The following FMN2 variants were observed in gnomAD, a reference collection of about 807,000 sequenced individuals.
FMN2 encodes the protein formin 2.
A neutral mutation model predicts 142.3 loss-of-function variants in FMN2; 51 were observed. That is an observed-to-expected ratio of 0.36 (90% CI 0.29 to 0.45). The LOEUF is 0.45. Ranked by LOEUF, FMN2 falls within the 20% of genes least tolerant of loss-of-function variation. The probability of loss-of-function intolerance (pLI) is 1.00; values close to 1 mark genes in which losing one functional copy is unlikely to be tolerated. For missense variants in FMN2, 1,936 were observed against 2,122.8 expected (o/e 0.91, Z 1.73); for synonymous variants, 882 against 869.8 (o/e 1.01, Z -0.25).
intron 8 of FMN2, among the ~76,000 whole-genome samples, chr1:240,328,160 A>AAAAAAAAAAAAAAAAAAAC (rs1671244450): frequency 6.7e-6 from 1 of 148,850 alleles, no homozygotes; most frequent in Non-Finnish European, 1.5e-5. Context: ...AAAAAAAAAA[A>AAAAAAAAAAAAAAAAAAAC]AAAAAAAAAA....
intron 2 of FMN2, among the ~76,000 whole-genome samples, chr1:240,127,897 T>C (rs758219294): frequency 3.5e-4 from 53 of 152,076 alleles, no homozygotes; most frequent in Admixed American, 1.4e-3. Context: ...GGCAGGACGG[T>C]GACAGGGGAG....
chr1:240,274,330 G>A (rs1669120839), intron 7 of FMN2, among the ~76,000 whole-genome samples: 1 of 152,040 alleles, frequency 6.6e-6, no homozygotes, highest in South Asian at 2.1e-4. Context: ...ATGACAGAAG[G>A]AACCTTGTAA....
At chr1:240,355,016 A>G (rs1572223094) in intron 13 of FMN2, among the ~76,000 whole-genome samples, 1 of 152,206 alleles carries the variant, frequency 6.6e-6, no homozygotes, top group East Asian at 1.9e-4. Context: ...ACTTCTCAAT[A>G]TTAACCCAAA....
At chr1:240,191,180 G>C (rs1487134085) in intron 4 of FMN2, among the ~76,000 whole-genome samples, 1 of 152,224 alleles carries the variant, frequency 6.6e-6, no homozygotes, top group African/African-American at 2.4e-5. Flanking sequence ...TCAGATGTGT[G>C]TTCAGACACC....
chr1:240,468,748 TACAA>T (rs1558124223), intron 16 of FMN2, among the ~76,000 whole-genome samples: 1 of 152,146 alleles, frequency 6.6e-6, no homozygotes, highest in African/African-American at 2.4e-5. Flanking sequence ...ATGGAACACG[TACAA>T]ACAGTTACTC....
At position 240,329,437 on chromosome 1, in the gene FMN2, G is replaced by A. The variant is rs745747440; in HGVS notation, c.4406G>A (p.Arg1469His). ...TFSESICSIRRKLELLQKLCE... is the reference protein window; with the variant it reads ...TFSESICSIRHKLELLQKLCE... ...TCAGAAAGCATTTGCTCAATTCGTC[G>A]CAAACTGGAATTACTACAGAAATTG... The change falls in exon 10 of 18, where the codon CGC becomes CAC. Residue 1469 changes from arginine (R) to histidine (H), a missense_variant. Physicochemically the swap from Arg to His is conservative, Grantham distance 29 (BLOSUM62 0). Coordinates refer to ENST00000319653, the MANE Select transcript of FMN2 (RefSeq NM_020066.5). 1.4e-5 allele frequency: 23 copies of A among 1,613,724 alleles called. No homozygotes were observed. The South Asian group carries it at 1.8e-4, about 12-fold the overall frequency.
chr1:240,319,629 C>A (rs551147083), intron 8 of FMN2, among the ~76,000 whole-genome samples: 23 of 152,206 alleles, frequency 1.5e-4, no homozygotes, highest in Admixed American at 3.9e-4. Context: ...GAAACGATGT[C>A]GTCTTGGAAG....
At chr1:240,337,438 G>C (rs774526525) in intron 13 of FMN2, among the ~76,000 whole-genome samples, 4 of 151,872 alleles carry the variant, frequency 2.6e-5, no homozygotes, top group Non-Finnish European at 5.9e-5. Context: ...GGCTGGTCTC[G>C]AACTCCTGAC....
chr1:240,250,310 A>G (rs1056736352), intron 6 of FMN2, among the ~76,000 whole-genome samples: 1 of 152,110 alleles, frequency 6.6e-6, no homozygotes, highest in Non-Finnish European at 1.5e-5. Flanking sequence ...GGGATGTTGA[A>G]TTTTATCAAA....
chr1:240,389,585 G>A (rs1453196797), intron 14 of FMN2, among the ~76,000 whole-genome samples: 3 of 152,102 alleles, frequency 2.0e-5, no homozygotes, highest in African/African-American at 4.8e-5. Flanking sequence ...ATTTTGGTTT[G>A]GAAGGTTCAC....
chr1:240,208,517 C>T lies in FMN2; in HGVS notation c.3705C>T (p.Pro1235=). Residue 1235 remains proline (P), a synonymous_variant, in exon 5 of 18, where the codon CCC becomes CCT. Transcript: ENST00000319653. ...LPPPGTGIPP[P]PLLPVSGPPL... is the part of the protein sequence containing the mutation. ...CACCTGGGACAGGAATCCCACCGCC[C>T]CCTCTGCTTCCTGTATCAGGCCCTC... 6.2e-7 allele frequency: 1 copy of T among 1,612,764 alleles called. No homozygotes were observed. The highest frequency in any genetic ancestry group is 8.5e-7 in the Non-Finnish European group (1 of 1,179,574).
chr1:240,253,433 TTC>T (rs1668348555), intron 6 of FMN2, among the ~76,000 whole-genome samples: 1 of 152,314 alleles, frequency 6.6e-6, no homozygotes, highest in South Asian at 2.1e-4. Context: ...ATCCCAGAAT[TTC>T]TGTTTGGTTC....
At chr1:240,159,913 A>ATATATATATATATATATCTGTG (rs1664195861) in intron 2 of FMN2, among the ~76,000 whole-genome samples, 2 of 97,840 alleles carry the variant, frequency 2.0e-5, no homozygotes, top group African/African-American at 1.3e-4. Flanking sequence ...GTGTATATAT[A>ATATATATATATATATATCTGTG]TATATATATA....
chr1:240,412,031 G>A (rs1241294217), intron 15 of FMN2, among the ~76,000 whole-genome samples: 1 of 152,172 alleles, frequency 6.6e-6, no homozygotes. Flanking sequence ...GGTGTCCACA[G>A]ATGATCAGCG....
At chr1:240,171,194 T>C in intron 2 of FMN2, 1 of 810,996 alleles carries the variant, frequency 1.2e-6, no homozygotes, top group Non-Finnish European at 2.2e-6. Context: ...AAGATAAAAG[T>C]TGATGAATTT....
At chr1:240,144,074 G>C in intron 2 of FMN2, 1 of 1,092,592 alleles carries the variant, frequency 9.2e-7, no homozygotes, top group South Asian at 1.2e-5. Flanking sequence ...GTCCTCAAAG[G>C]AGTACAGGTT....
At chr1:240,382,952 A>C (rs1017741495) in intron 14 of FMN2, among the ~76,000 whole-genome samples, 1 of 152,186 alleles carries the variant, frequency 6.6e-6, no homozygotes, top group African/African-American at 2.4e-5. Flanking sequence ...ACCAAGAAAC[A>C]AAGCCACATA....
chr1:240,218,329 C>T (rs1334452000), intron 6 of FMN2, among the ~76,000 whole-genome samples: 3 of 125,736 alleles, frequency 2.4e-5, no homozygotes, highest in East Asian at 2.3e-4. Context: ...ACTAAATGTA[C>T]AAGAAAGGGG....
intron 16 of FMN2, among the ~76,000 whole-genome samples, chr1:240,445,315 A>G (rs566252868): frequency 2.0e-4 from 31 of 152,356 alleles, no homozygotes; most frequent in African/African-American, 6.7e-4. Context: ...AAGTAAGCGC[A>G]TATTTAAGTT....
Sources: gnomAD v4.1 joint callset for allele counts (sites outside exome capture counted in the v4.1 genomes callset) on GRCh38, gnomAD v4.1.1 for gene constraint, MANE v1.5 for transcripts, NCBI Gene and HGNC (gene_info 2026-07-23, HGNC 2026-07-21) for gene names.